The following DTNB variants were observed in gnomAD, a reference collection of about 807,000 sequenced individuals.
The protein encoded by DTNB is dystrobrevin beta.
A neutral mutation model predicts 90.7 loss-of-function variants in DTNB; 63 were observed. That is an observed-to-expected ratio of 0.69 (90% CI 0.57 to 0.86). The LOEUF is 0.86. Among genes scored for constraint, DTNB ranks in the 40% least tolerant of loss-of-function variants. The probability of loss-of-function intolerance (pLI) is 0.00; values close to 1 mark genes in which losing one functional copy is unlikely to be tolerated. For missense variants in DTNB, 744 were observed against 807.1 expected, an observed-to-expected ratio of 0.92 and a Z score of 0.95; for synonymous variants, 277 against 286.7, an observed-to-expected ratio of 0.97 and a Z score of 0.34.
chr2:25,624,519 C>A (rs1197366519), intron 4 of DTNB, among the ~76,000 whole-genome samples: 1 of 152,198 alleles, frequency 6.6e-6, no homozygotes, highest in East Asian at 1.9e-4. Context: ...AGCCAGAGCT[C>A]TGATGCAACC....
At position 25,482,847 on chromosome 2, in the gene DTNB, T is replaced by C. The variant is rs746813132; in HGVS notation, c.1028A>G (p.Asn343Ser). 1 of 1,611,744 alleles carries C rather than the reference T, an allele frequency of 6.2e-7. No individual in the cohort carries two copies. Among genetic ancestry groups the C allele is most frequent in the Non-Finnish European group, 8.5e-7 (1 of 1,179,250 alleles). ...GGACATGTGGCTAACCATGGTGTCA[T>C]TCATATTAGTCAGAGGGCGAGGAGG... Reference protein sequence around the residue: ...IVPPRPLTNMNDTMVSHMSSG... With the variant: ...IVPPRPLTNMSDTMVSHMSSG... Residue 343 changes from asparagine (N) to serine (S), a missense_variant, in exon 10 of 21, where the codon AAT (asparagine) becomes AGT (serine). By Grantham distance (46) the Asn-to-Ser change is conservative. Coordinates refer to ENST00000406818, the MANE Select transcript of DTNB (RefSeq NM_021907.5).
chr2:25,473,932 C>T (rs954692837), intron 10 of DTNB, among the ~76,000 whole-genome samples: 3 of 152,210 alleles, frequency 2.0e-5, no homozygotes, highest in Admixed American at 6.5e-5. Flanking sequence ...TCGGCTCTGC[C>T]GATGGTCTAT....
At chr2:25,382,179 C>G (rs115388358) in intron 19 of DTNB, among the ~76,000 whole-genome samples, 233 of 152,354 alleles carry the variant, frequency 1.5e-3, no homozygotes, top group African/African-American at 5.3e-3. Flanking sequence ...GCTTCCTGCT[C>G]TCCCTACCTT....
intron 10 of DTNB, among the ~76,000 whole-genome samples, chr2:25,465,596 C>G (rs1360957432): frequency 1.3e-5 from 2 of 152,160 alleles, no homozygotes; most frequent in East Asian, 3.8e-4. Flanking sequence ...CGCGCTTCAG[C>G]CGTGCTGACC....
At chr2:25,519,746 T>C (rs575185170) in intron 9 of DTNB, among the ~76,000 whole-genome samples, 7 of 152,278 alleles carry the variant, frequency 4.6e-5, no homozygotes, top group Admixed American at 3.9e-4. Context: ...AACCTGCATA[T>C]TTACCTGTCA....
chr2:25,557,350 C>A (rs182932267), intron 8 of DTNB, among the ~76,000 whole-genome samples: 1 of 152,136 alleles, frequency 6.6e-6, no homozygotes, highest in African/African-American at 2.4e-5. Flanking sequence ...ACAGAAAGCT[C>A]GCTGCCCTGT....
intron 6 of DTNB, among the ~76,000 whole-genome samples, chr2:25,581,358 T>C (rs1313208832): frequency 6.6e-6 from 1 of 152,132 alleles, no homozygotes; most frequent in Non-Finnish European, 1.5e-5. Context: ...CTAGACATCA[T>C]TTAACAACTT....
At chr2:25,542,428 C>A (rs1276764635) in intron 8 of DTNB, among the ~76,000 whole-genome samples, 1 of 152,100 alleles carries the variant, frequency 6.6e-6, no homozygotes, top group Non-Finnish European at 1.5e-5. Flanking sequence ...TTTCTACTAT[C>A]TTCTTCATGT....
intron 9 of DTNB, among the ~76,000 whole-genome samples, chr2:25,528,406 A>T (rs942750911): frequency 1.8e-4 from 27 of 152,176 alleles, no homozygotes; most frequent in Admixed American, 1.8e-3. Flanking sequence ...CGGAGGGGCT[A>T]GCCAGCATAG....
intron 9 of DTNB, among the ~76,000 whole-genome samples, chr2:25,511,213 A>C (rs1175717173): frequency 1.3e-5 from 2 of 152,212 alleles, no homozygotes; most frequent in Non-Finnish European, 2.9e-5. Context: ...CTTAAAAGGT[A>C]TTCTTTTGTT....
intron 10 of DTNB, among the ~76,000 whole-genome samples, chr2:25,481,360 G>C (rs184245131): frequency 6.6e-4 from 100 of 151,814 alleles, no homozygotes; most frequent in Non-Finnish European, 1.1e-3. Flanking sequence ...AGCTAAGATT[G>C]GGCCACTGCA....
At chr2:25,469,133 T>A (rs1428401534) in intron 10 of DTNB, among the ~76,000 whole-genome samples, 1 of 152,182 alleles carries the variant, frequency 6.6e-6, no homozygotes, top group African/African-American at 2.4e-5. Context: ...GGGAATGTTA[T>A]AAAAGGATGT....
At chr2:25,397,724 A>G (rs1336060721) in intron 16 of DTNB, among the ~76,000 whole-genome samples, 2 of 152,110 alleles carry the variant, frequency 1.3e-5, no homozygotes, top group East Asian at 1.9e-4. Flanking sequence ...TACTAAACAT[A>G]CAAAAATTAG....
chr2:25,652,532 TA>T (rs137982132), intron 2 of DTNB, 61 bp downstream of exon 2: 71,352 of 1,250,346 alleles, frequency 0.057, 2 homozygotes, highest in South Asian at 0.095. Flanking sequence ...TGACTTGATC[TA>T]AAAAAAAAAA....
intron 9 of DTNB, among the ~76,000 whole-genome samples, chr2:25,522,397 A>C (rs1196309787): frequency 2.0e-5 from 3 of 152,140 alleles, no homozygotes; most frequent in Non-Finnish European, 4.4e-5. Flanking sequence ...GGTGGGGAGG[A>C]GTCAGATGCC....
chr2:25,614,406 G>C (rs2148587268), intron 4 of DTNB, among the ~76,000 whole-genome samples: 1 of 152,246 alleles, frequency 6.6e-6, no homozygotes, highest in Non-Finnish European at 1.5e-5. Context: ...CAGGCAATAT[G>C]ATCATATGTA....
chr2:25,606,494 A>G (rs2067141713), intron 5 of DTNB, among the ~76,000 whole-genome samples: 1 of 152,218 alleles, frequency 6.6e-6, no homozygotes, highest in South Asian at 2.1e-4. Flanking sequence ...GATAAAATGA[A>G]GAAAATATCA....
chr2:25,537,455 C>T (rs1226333401), intron 8 of DTNB, among the ~76,000 whole-genome samples: 1 of 151,940 alleles, frequency 6.6e-6, no homozygotes, highest in Non-Finnish European at 1.5e-5. Flanking sequence ...AATTAAGGCA[C>T]ATCAAGGGCA....
intron 15 of DTNB, 70 bp downstream of exon 15, chr2:25,427,465 A>T: frequency 6.7e-7 from 1 of 1,482,568 alleles, no homozygotes; most frequent in Non-Finnish European, 9.3e-7. Context: ...CTGACATCAC[A>T]GGGAGGCAGC....
Sources: gnomAD v4.1 joint callset for allele counts (sites outside exome capture counted in the v4.1 genomes callset) on GRCh38, gnomAD v4.1.1 for gene constraint, MANE v1.5 for transcripts, NCBI Gene and HGNC (gene_info 2026-07-23, HGNC 2026-07-21) for gene names.